The following FRMD6 variants were observed in gnomAD, a reference collection of about 807,000 sequenced individuals.
FRMD6 encodes FERM domain-containing protein 6.
A neutral mutation model predicts 73.2 loss-of-function variants in FRMD6; 37 were observed. The observed-to-expected ratio is 0.51, with a 90% CI of 0.39 to 0.66. The LOEUF (loss-of-function observed/expected upper bound fraction) is 0.66, where lower values mean the gene tolerates loss of function less well. FRMD6 is among the 30% of genes least tolerant of loss of function. The probability of loss-of-function intolerance (pLI) is 0.00; values close to 1 mark genes in which losing one functional copy is unlikely to be tolerated. For missense variants in FRMD6, 714 were observed against 780.5 expected (o/e 0.91, Z 1.02); for synonymous variants, 273 against 282.2 (o/e 0.97, Z 0.33).
intron 1 of FRMD6, among the ~76,000 whole-genome samples, chr14:51,680,585 GACTA>G (rs1215100848): frequency 2.6e-5 from 4 of 152,020 alleles, no homozygotes; most frequent in Non-Finnish European, 4.4e-5. Context: ...CTTATTCATT[GACTA>G]ACAGAATACT....
intron 1 of FRMD6, among the ~76,000 whole-genome samples, chr14:51,556,123 T>C (rs559577387): frequency 6.6e-6 from 1 of 152,346 alleles, no homozygotes; most frequent in South Asian, 2.1e-4. Context: ...TTTGGTGAAT[T>C]AGTTAAACAA....
At chr14:51,495,981 A>G (rs1045400407) in intron 1 of FRMD6, among the ~76,000 whole-genome samples, 4 of 152,208 alleles carry the variant, frequency 2.6e-5, no homozygotes, top group African/African-American at 9.6e-5. Flanking sequence ...CCCTACCCAC[A>G]TTCTATAAGC....
intron 10 of FRMD6, 131 bp from the exon 11 acceptor site, chr14:51,719,924 T>C: frequency 5.9e-6 from 4 of 682,984 alleles, no homozygotes; most frequent in Non-Finnish European, 9.8e-6. Context: ...AATTCCTATC[T>C]AAATTATTAC....
chr14:51,450,978 C>A, the FRMD6 span, among the ~76,000 whole-genome samples: 2 of 152,148 alleles, frequency 1.3e-5, no homozygotes, highest in African/African-American at 2.4e-5. Context: ...AACAGCTAAC[C>A]CACCTGCAGA....
rs549288324 is a variant in FRMD6, at chr14:51,702,780, A to G, written c.371+192A>G. Among the ~76,000 whole-genome samples, 41 of 152,172 alleles carry G rather than the reference A, an allele frequency of 2.7e-4. No individual in the cohort carries two copies. In the South Asian group the frequency reaches 8.3e-3, roughly 31 times the overall value. Reference sequence around the variant, plus strand: ...TCAGTCCCTAAAACAGAGATACAATAGGCATTCAGTAAATATTTGTTAAAT... The same window carrying G: ...TCAGTCCCTAAAACAGAGATACAATGGGCATTCAGTAAATATTTGTTAAAT... On this transcript the variant is annotated intron_variant, in intron 5 of 13. Coordinates refer to ENST00000344768, the MANE Select transcript of FRMD6 (RefSeq NM_001267046.2).
intron 2 of FRMD6, among the ~76,000 whole-genome samples, chr14:51,589,024 A>G (rs1032835416): frequency 2.6e-5 from 4 of 152,204 alleles, no homozygotes; most frequent in Non-Finnish European, 5.9e-5. Flanking sequence ...CATGCAGTTG[A>G]CCTTCTACCT....
At chr14:51,439,890 T>G in the FRMD6 span, among the ~76,000 whole-genome samples, 1 of 152,232 alleles carries the variant, frequency 6.6e-6, no homozygotes, top group Non-Finnish European at 1.5e-5. Context: ...CTGTCCAATT[T>G]GGTATCTAAT....
chr14:51,566,021 C>T lies in FRMD6; in HGVS notation c.-209-4327C>T, dbSNP rs572479392. ...CTACTAAAAATACAAAAAAATTAGCCGGGTGTGGTGGCGGGCGCCTGTAGT... is the reference window on the plus strand; with the variant it reads ...CTACTAAAAATACAAAAAAATTAGCTGGGTGTGGTGGCGGGCGCCTGTAGT... On this transcript the variant is annotated intron_variant, in intron 1 of 14. Coordinates refer to the FRMD6 transcript ENST00000356218. Among the ~76,000 whole-genome samples, 120 of 152,138 alleles carry T rather than the reference C, an allele frequency of 7.9e-4. 1 individual carries two copies. Among genetic ancestry groups the T allele is most frequent in the Non-Finnish European group, 1.1e-3 (77 of 67,986 alleles).
At chr14:51,515,594 C>G (rs142293133) in intron 1 of FRMD6, among the ~76,000 whole-genome samples, 1 of 152,270 alleles carries the variant, frequency 6.6e-6, no homozygotes, top group Non-Finnish European at 1.5e-5. Context: ...CTGTCTTGCC[C>G]CTTGATGATA....
At chr14:51,537,868 C>A (rs142954337) in intron 1 of FRMD6, among the ~76,000 whole-genome samples, 247 of 152,200 alleles carry the variant, frequency 1.6e-3, no homozygotes, top group African/African-American at 5.4e-3. Context: ...TTTTTTATTG[C>A]TGACTTTTAA....
chr14:51,426,665 G>T, the FRMD6 span, among the ~76,000 whole-genome samples: 2 of 152,172 alleles, frequency 1.3e-5, no homozygotes, highest in African/African-American at 4.8e-5. Context: ...AGAGATGCCA[G>T]GTACCGTGAG....
At chr14:51,441,321 G>A in the FRMD6 span, among the ~76,000 whole-genome samples, 1 of 152,282 alleles carries the variant, frequency 6.6e-6, no homozygotes, top group African/African-American at 2.4e-5. Context: ...CAATTGCTGG[G>A]CCACCCCTTT....
chr14:51,462,589 C>A, the FRMD6 span, among the ~76,000 whole-genome samples: 2 of 152,078 alleles, frequency 1.3e-5, no homozygotes, highest in African/African-American at 4.8e-5. Context: ...GGTGAGGGTT[C>A]CTGCTGGATA....
At chr14:51,448,116 T>C in the FRMD6 span, among the ~76,000 whole-genome samples, 354 of 152,350 alleles carry the variant, frequency 2.3e-3, no homozygotes, top group African/African-American at 8.3e-3. Flanking sequence ...AATTTCCTTG[T>C]AGTTAATATA....
chr14:51,723,741 C>T (rs1446278828), intron 12 of FRMD6, among the ~76,000 whole-genome samples: 3 of 148,906 alleles, frequency 2.0e-5, no homozygotes, highest in Non-Finnish European at 4.4e-5. Context: ...TGTCACTGTA[C>T]TCCATCCTGG....
intron 1 of FRMD6, among the ~76,000 whole-genome samples, chr14:51,665,482 C>T (rs1183907674): frequency 3.3e-5 from 5 of 152,180 alleles, no homozygotes; most frequent in African/African-American, 7.2e-5. Flanking sequence ...GTACACACTT[C>T]GTCTACCTCA....
In FRMD6 at chr14:51,635,388, T is replaced by TAAAAC. The variant is rs551262239; in HGVS notation, c.-146-54288_-146-54284dup. On this transcript the variant is annotated intron_variant, in intron 2 of 14. Transcript: ENST00000356218. ...GCACTCCAGCAGGACCCTATCTTTT[T>TAAAAC]AAAACAAAACAAAACAAAAAGGAGG... is the stretch of plus-strand genomic sequence containing the variant. Among the ~76,000 whole-genome samples the TAAAAC allele has an allele frequency of 3.5e-4, 54 of 152,272 alleles. No individual in the cohort carries two copies. The South Asian group carries it at 0.011, about 30-fold the overall frequency.
chr14:51,717,489 T>C (rs1166155089), intron 10 of FRMD6: 1 of 152,234 alleles, frequency 6.6e-6, no homozygotes, highest in South Asian at 2.1e-4. Context: ...TACTATGATA[T>C]TTGATATCAT....
chr14:51,553,825 G>T (rs577571689), intron 1 of FRMD6, among the ~76,000 whole-genome samples: 1 of 152,280 alleles, frequency 6.6e-6, no homozygotes, highest in East Asian at 1.9e-4. Context: ...TGAGGGGCAG[G>T]CTGTGAATTT....
Sources: allele counts gnomAD v4.1 joint callset (sites outside exome capture counted in the v4.1 genomes callset), GRCh38; gene constraint gnomAD v4.1.1; transcripts MANE v1.5; gene names NCBI Gene and HGNC (gene_info 2026-07-23, HGNC 2026-07-21).